Variants in MAP4 observed in about 807,000 individuals in gnomAD.
MAP4 encodes the protein microtubule associated protein 4.
Under a neutral mutation model 170.2 loss-of-function variants are expected in MAP4, and 76 were observed. That is an observed-to-expected ratio of 0.45 (90% CI 0.37 to 0.54). The LOEUF (loss-of-function observed/expected upper bound fraction) is 0.54. Among genes scored for constraint, MAP4 ranks in the 20% least tolerant of loss-of-function variants. MAP4 has a pLI of 0.00. For synonymous variants in MAP4, 909 were observed against 994.5 expected (o/e 0.91, Z 1.62); for missense variants, 2,506 against 2,748.0 (o/e 0.91, Z 1.97).
At chr3:47,984,610 T>C (rs889619422) in intron 2 of MAP4, among the ~76,000 whole-genome samples, 6 of 151,516 alleles carry the variant, frequency 4.0e-5, no homozygotes, top group African/African-American at 2.4e-5. Context: ...GGAGAGCAGA[T>C]GGCTTGAGCC....
Position 47,972,741 on chromosome 3 carries a change from C to G in MAP4, c.292+5124G>C, listed in dbSNP as rs186446722. On this transcript the variant is annotated intron_variant, in intron 3 of 20. Coordinates refer to ENST00000683076, the MANE Select transcript of MAP4 (RefSeq NM_001385682.1). ...CTCTACTAAAAATACAAAAAATTAGCTGGGCGTGGTGGCGGGCGCCTGTAG... is the reference window on the plus strand; with the variant it reads ...CTCTACTAAAAATACAAAAAATTAGGTGGGCGTGGTGGCGGGCGCCTGTAG... Among the ~76,000 whole-genome samples the G allele has an allele frequency of 2.9e-3, 434 of 152,198 alleles. 1 individual carries two copies. The highest frequency in any genetic ancestry group is 5.0e-3 in the Admixed American group (76 of 15,296).
At position 48,050,942 on chromosome 3, in the gene MAP4, A is replaced by G. The variant is rs2100127462; in HGVS notation, c.-20+37831T>C. On this transcript the variant is annotated intron_variant, in intron 1 of 18. Coordinates refer to the MAP4 transcript ENST00000360240. The stretch of plus-strand genomic sequence containing the variant: ...AAAGGCAGAAAGCCAAAACTATTCT[A>G]AAAGATTTTTCTTTAATCCCTCATA... 3.3e-5 allele frequency among the ~76,000 whole-genome samples: 5 copies of G among 152,016 alleles called. No homozygotes were observed. In the South Asian group the frequency reaches 8.3e-4, roughly 25 times the overall value.
chr3:47,857,997 G>A (rs995209002), intron 17 of MAP4, among the ~76,000 whole-genome samples: 6 of 147,900 alleles, frequency 4.1e-5, no homozygotes, highest in Admixed American at 6.8e-5. Flanking sequence ...GATTACAGGC[G>A]TGAGCCACCA....
intron 3 of MAP4, among the ~76,000 whole-genome samples, chr3:47,942,488 T>G (rs947824812): frequency 2.0e-5 from 3 of 152,182 alleles, no homozygotes; most frequent in African/African-American, 7.2e-5. Context: ...ACTGAGCTCC[T>G]GGCCCCAAGT....
intron 17 of MAP4, 125 bp from the exon 18 acceptor site, chr3:47,857,637 G>T: frequency 1.5e-6 from 1 of 679,620 alleles, no homozygotes; most frequent in Non-Finnish European, 2.6e-6. Context: ...TGCTATCTCA[G>T]TCTGGTCAAA....
intron 1 of MAP4, among the ~76,000 whole-genome samples, chr3:48,043,061 G>A (rs2100122494): frequency 6.6e-6 from 1 of 152,166 alleles, no homozygotes; most frequent in African/African-American, 2.4e-5. Flanking sequence ...TGGTGCACAT[G>A]TCTGTGAATA....
At chr3:47,918,225 C>G (rs2100040816) in intron 6 of MAP4, among the ~76,000 whole-genome samples, 1 of 152,182 alleles carries the variant, frequency 6.6e-6, no homozygotes, top group East Asian at 1.9e-4. Flanking sequence ...CTCAGGTGAT[C>G]TGCCCGCCTT....
At chr3:48,056,465 GC>G (rs2100131707) in intron 1 of MAP4, among the ~76,000 whole-genome samples, 1 of 75,928 alleles carries the variant, frequency 1.3e-5, no homozygotes. Context: ...CGCCTGGCCA[GC>G]CGCCCCGTCC....
At chr3:48,069,668 A>G (rs2100140028) in intron 1 of MAP4, among the ~76,000 whole-genome samples, 1 of 152,182 alleles carries the variant, frequency 6.6e-6, no homozygotes, top group Non-Finnish European at 1.5e-5. Context: ...TATCTTTCAA[A>G]CATTTTTTTG....
At chr3:47,971,117 G>A (rs918482245) in intron 3 of MAP4, among the ~76,000 whole-genome samples, 4 of 152,118 alleles carry the variant, frequency 2.6e-5, no homozygotes, top group Non-Finnish European at 5.9e-5. Context: ...GAAACATTAC[G>A]TGCTGTTAAT....
intron 1 of MAP4, among the ~76,000 whole-genome samples, chr3:48,009,665 A>G (rs1192170607): frequency 6.6e-6 from 1 of 152,172 alleles, no homozygotes; most frequent in Non-Finnish European, 1.5e-5. Flanking sequence ...TATCCTCTGA[A>G]TCAGCGTCCA....
chr3:47,870,974 T>C lies in MAP4; in HGVS notation c.6133A>G (p.Thr2045Ala), dbSNP rs762560478. The change falls in exon 15 of 21, where the codon ACA (threonine) becomes GCA (alanine). Residue 2045 changes from threonine to alanine, a missense_variant. By Grantham distance (58) the Thr-to-Ala change is moderately conservative. Transcript: ENST00000683076. The part of the protein sequence containing the change: ...KATPMPSRPS[T>A]TPFIDKKPTS... ...GGCTTCTTGTCTATGAAAGGAGTTGTGGAGGGCCGGGAGGGCATGGGTGTG... is the reference window on the plus strand; with the variant it reads ...GGCTTCTTGTCTATGAAAGGAGTTGCGGAGGGCCGGGAGGGCATGGGTGTG... 2.4e-5 allele frequency: 38 copies of C among 1,613,878 alleles called. No homozygotes were observed. Among genetic ancestry groups the C allele is most frequent in the Admixed American group, 1.5e-4 (9 of 59,994 alleles).
At chr3:47,853,541 C>T (rs1033009923) in intron 19 of MAP4, among the ~76,000 whole-genome samples, 189 bp from the exon 20 acceptor site, 12 of 151,684 alleles carry the variant, frequency 7.9e-5, no homozygotes, top group African/African-American at 1.5e-4. Context: ...CCTGGGAGAC[C>T]GACTCCCGAG....
intron 1 of MAP4, among the ~76,000 whole-genome samples, chr3:48,060,900 A>T (rs1224429724): frequency 6.6e-6 from 1 of 152,172 alleles, no homozygotes; most frequent in Non-Finnish European, 1.5e-5. Flanking sequence ...GCTGGAGGAC[A>T]GTGGTGCGAT....
At chr3:47,957,112 C>T (rs901352925) in intron 3 of MAP4, among the ~76,000 whole-genome samples, 10 of 152,218 alleles carry the variant, frequency 6.6e-5, no homozygotes, top group African/African-American at 2.2e-4. Context: ...AGTTCCACCA[C>T]CCATGAACTT....
chr3:48,079,746 C>T (rs1219643862), intron 1 of MAP4, among the ~76,000 whole-genome samples: 3 of 152,096 alleles, frequency 2.0e-5, no homozygotes, highest in East Asian at 3.9e-4. Flanking sequence ...GTCAGGAGAT[C>T]GAGAGCATCC....
At chr3:47,941,005 G>A (rs2100055943) in intron 3 of MAP4, among the ~76,000 whole-genome samples, 1 of 151,916 alleles carries the variant, frequency 6.6e-6, no homozygotes. Flanking sequence ...AGCCTCCCAG[G>A]TAGCTGGGAT....
chr3:47,958,682 ATTTTTTT>A (rs769235654), intron 3 of MAP4, among the ~76,000 whole-genome samples: 4 of 121,476 alleles, frequency 3.3e-5, no homozygotes. Context: ...CACCCGGCTA[ATTTTTTT>A]TTTTTTTTTT....
chr3:47,857,771 C>T (rs2059118773), intron 17 of MAP4, among the ~76,000 whole-genome samples: 1 of 151,654 alleles, frequency 6.6e-6, no homozygotes, highest in East Asian at 1.9e-4. Flanking sequence ...TACAGTGGTA[C>T]GATCTCAGCT....
Sources: gnomAD v4.1 joint callset for allele counts (sites outside exome capture counted in the v4.1 genomes callset) on GRCh38, gnomAD v4.1.1 for gene constraint, MANE v1.5 for transcripts, NCBI Gene and HGNC (gene_info 2026-07-23, HGNC 2026-07-21) for gene names.